The following RAB28 variants were observed in gnomAD, a reference collection of about 807,000 sequenced individuals.
The protein encoded by RAB28 is ras-related protein Rab-28.
Under a neutral mutation model 31.7 loss-of-function variants are expected in RAB28, and 24 were observed. That is an observed-to-expected ratio of 0.76 (90% confidence interval 0.55 to 1.06). RAB28 has a LOEUF of 1.06. Among genes scored for constraint, RAB28 ranks in the 50% least tolerant of loss-of-function variants. The probability of loss-of-function intolerance (pLI) is 0.00; values close to 1 mark genes in which losing one functional copy is unlikely to be tolerated. For synonymous variants in RAB28, 100 were observed against 90.4 expected (o/e 1.11, Z -0.60); for missense variants, 254 against 258.5 (o/e 0.98, Z 0.12).
At chr4:13,393,248 T>C (rs1339207904) in intron 4 of RAB28, among the ~76,000 whole-genome samples, 2 of 152,168 alleles carry the variant, frequency 1.3e-5, no homozygotes, top group East Asian at 1.9e-4. Context: ...TTCAGTTACA[T>C]ACTGAAAGAG....
chr4:13,482,734 C>T (rs1020706074), intron 1 of RAB28, among the ~76,000 whole-genome samples: 3 of 152,116 alleles, frequency 2.0e-5, no homozygotes, highest in African/African-American at 7.2e-5. Flanking sequence ...ATATTGTTTT[C>T]CTCAGCTTTA....
chr4:13,404,255 A>C (rs1315266088), intron 4 of RAB28, among the ~76,000 whole-genome samples: 1 of 152,082 alleles, frequency 6.6e-6, no homozygotes, highest in Non-Finnish European at 1.5e-5. Flanking sequence ...GCGCATGCCT[A>C]TAATCCCAGC....
chr4:13,404,007 G>A (rs2108902830), intron 4 of RAB28, among the ~76,000 whole-genome samples: 1 of 152,254 alleles, frequency 6.6e-6, no homozygotes, highest in South Asian at 2.1e-4. Context: ...TCAGAAGATG[G>A]TGCTAGTTCA....
chr4:13,440,463 C>G (rs944948140), intron 4 of RAB28, among the ~76,000 whole-genome samples: 39 of 152,110 alleles, frequency 2.6e-4, no homozygotes, highest in African/African-American at 8.2e-4. Context: ...TTTAAGTAAT[C>G]AAATTAATCA....
chr4:13,391,883 C>A (rs996393793), intron 4 of RAB28, among the ~76,000 whole-genome samples: 3 of 150,362 alleles, frequency 2.0e-5, no homozygotes, highest in Non-Finnish European at 4.4e-5. Context: ...GGGCGGGGAA[C>A]ATCACACACC....
Position 13,469,311 on chromosome 4 carries a change from C to T in RAB28, c.261+5007G>A, listed in dbSNP as rs574531522. Among the ~76,000 whole-genome samples, 3 of 152,164 alleles carry T rather than the reference C, an allele frequency of 2.0e-5. No homozygotes were observed. In the South Asian group the frequency reaches 6.2e-4, roughly 32 times the overall value. On this transcript the variant is annotated intron_variant, in intron 3 of 6. Coordinates refer to ENST00000330852, the MANE Select transcript of RAB28 (RefSeq NM_001017979.3). ...TGTCCCAGATAACTTTTGTTATCAA[C>T]CACATATCTGACATTTATCTCTCTC...
At chr4:13,427,166 G>A (rs762971440) in intron 4 of RAB28, among the ~76,000 whole-genome samples, 156 of 152,036 alleles carry the variant, frequency 1.0e-3, no homozygotes, top group Non-Finnish European at 2.0e-3. Flanking sequence ...CATTAAAACA[G>A]CTACCCCAAA....
At chr4:13,460,934 C>G (rs1226797321) in intron 3 of RAB28, 106 bp from the exon 4 acceptor site, 27 of 1,050,446 alleles carry the variant, frequency 2.6e-5, no homozygotes, top group Non-Finnish European at 3.6e-5. Context: ...TATAAAAATA[C>G]AAATGTGTAG....
chr4:13,408,883 T>A (rs913229325), intron 4 of RAB28, among the ~76,000 whole-genome samples: 32 of 152,324 alleles, frequency 2.1e-4, no homozygotes, highest in African/African-American at 7.7e-4. Context: ...GTATTTTAAA[T>A]AATTTGCCAT....
chr4:13,480,362 T>C (rs762974297), intron 1 of RAB28, among the ~76,000 whole-genome samples: 1 of 151,866 alleles, frequency 6.6e-6, no homozygotes, highest in African/African-American at 2.4e-5. Flanking sequence ...TTTTTATTTA[T>C]AAACTTCCTC....
intron 4 of RAB28, among the ~76,000 whole-genome samples, chr4:13,394,089 AG>A (rs891886671): frequency 2.0e-5 from 3 of 152,166 alleles, no homozygotes; most frequent in African/African-American, 7.2e-5. Context: ...ATAATCTGAA[AG>A]TGGAGGAGGC....
intron 4 of RAB28, among the ~76,000 whole-genome samples, chr4:13,454,715 C>T (rs562484045): frequency 9.9e-5 from 15 of 152,262 alleles, no homozygotes; most frequent in Admixed American, 5.9e-4. Context: ...AGGGTGCATA[C>T]ATGCACATGG....
intron 4 of RAB28, among the ~76,000 whole-genome samples, chr4:13,443,211 A>C (rs900075772): frequency 6.6e-6 from 1 of 151,280 alleles, no homozygotes; most frequent in African/African-American, 2.4e-5. Context: ...GTCTCCTTCT[A>C]TCACCAGGCT....
intron 1 of RAB28, among the ~76,000 whole-genome samples, chr4:13,482,385 T>C (rs1408631092): frequency 1.3e-5 from 2 of 149,784 alleles, no homozygotes; most frequent in Admixed American, 1.3e-4. Context: ...AGAATTATGA[T>C]AGCATATAGG....
chr4:13,376,595 C>A lies in RAB28; in HGVS notation c.523G>T (p.Ala175Ser). Residue 175 changes from alanine (A) to serine (S), a missense_variant, in exon 6 of 7, where the codon GCT becomes TCT. Transcript: ENST00000330852. ...TTTAATTTGATCCCAAGGATTTCAG[C>A]AGCAACTTTCTGAAAGCACAGGAAG... ...SVFLCFQKVA[A>S]EILGIKLNKA... 1 of 1,603,070 alleles carries A rather than the reference C, an allele frequency of 6.2e-7. No individual in the cohort carries two copies. The highest frequency in any genetic ancestry group is 2.3e-5 in the East Asian group (1 of 44,350).
chr4:13,481,320 T>C (rs1333398337), intron 1 of RAB28, among the ~76,000 whole-genome samples: 1 of 151,974 alleles, frequency 6.6e-6, no homozygotes, highest in Non-Finnish European at 1.5e-5. Flanking sequence ...TACTATATCA[T>C]CTCCCGATGT....
intron 4 of RAB28, among the ~76,000 whole-genome samples, chr4:13,407,989 T>C (rs1712201626): frequency 6.6e-6 from 1 of 152,168 alleles, no homozygotes; most frequent in African/African-American, 2.4e-5. Context: ...CTCTTCCTAT[T>C]TGAATACCCT....
At position 13,438,650 on chromosome 4, in the gene RAB28, G is replaced by A. The variant is rs76703138; in HGVS notation, c.391+22049C>T. Among the ~76,000 whole-genome samples, 696 of 152,042 alleles carry A rather than the reference G, an allele frequency of 4.6e-3. 6 individuals carry two copies. Among genetic ancestry groups the A allele is most frequent in the African/African-American group, 0.016 (659 of 41,460 alleles). On this transcript the variant is annotated intron_variant, in intron 4 of 6. Transcript: ENST00000330852. ...CTGAATAATATTACTTTTTGTTCCC[G>A]ATTTATCCATTCTTCAGCTAATAGA...
intron 4 of RAB28, among the ~76,000 whole-genome samples, chr4:13,420,110 C>A (rs903461480): frequency 9.2e-5 from 14 of 152,140 alleles, no homozygotes; most frequent in African/African-American, 3.4e-4. Context: ...AAACTACCAT[C>A]GGAGAATACT....
Sources: allele counts gnomAD v4.1 joint callset (sites outside exome capture counted in the v4.1 genomes callset), GRCh38; gene constraint gnomAD v4.1.1; transcripts MANE v1.5; gene names NCBI Gene and HGNC (gene_info 2026-07-23, HGNC 2026-07-21).